Variants in USP42 observed in about 807,000 individuals in gnomAD.
The protein encoded by USP42 is ubiquitin carboxyl-terminal hydrolase 42.
Under a neutral mutation model 113.0 loss-of-function variants are expected in USP42, and 23 were observed. That is an observed-to-expected ratio of 0.20 (90% CI 0.15 to 0.29). The LOEUF (loss-of-function observed/expected upper bound fraction) is 0.29, where lower values mean the gene tolerates loss of function less well. USP42 is among the 10% of genes least tolerant of loss of function. The probability of loss-of-function intolerance (pLI) is 1.00; values close to 1 mark genes in which losing one functional copy is unlikely to be tolerated. For synonymous variants in USP42, 933 were observed against 699.0 expected (o/e 1.33, Z -5.28); for missense variants, 2,174 against 1,779.8 (o/e 1.22, Z -3.99).
chr7:6,144,589 G>T (rs1781600912), intron 9 of USP42, among the ~76,000 whole-genome samples: 1 of 152,156 alleles, frequency 6.6e-6, no homozygotes, highest in Non-Finnish European at 1.5e-5. Flanking sequence ...TAAATAATCG[G>T]CCGAGTGTGG....
intron 3 of USP42, among the ~76,000 whole-genome samples, chr7:6,126,590 C>T (rs550686334): frequency 3.5e-4 from 53 of 152,286 alleles, no homozygotes; most frequent in African/African-American, 1.2e-3. Flanking sequence ...GGCCTGATAA[C>T]GCCACAGTTT....
intron 3 of USP42, chr7:6,116,975 T>C: frequency 4.5e-6 from 2 of 447,802 alleles, no homozygotes; most frequent in Non-Finnish European, 4.4e-6. Context: ...GTTTTTGTGC[T>C]TGCTTCCTCC....
intron 1 of USP42, among the ~76,000 whole-genome samples, 171 bp downstream of exon 1, chr7:6,105,203 C>G (rs1270710347): frequency 2.1e-5 from 3 of 145,484 alleles, no homozygotes; most frequent in Admixed American, 1.4e-4. Context: ...GCCCGGGACC[C>G]CGCCGCTCTG....
At chr7:6,085,188 T>G in the USP42 span, 1 of 149,196 alleles carries the variant, frequency 6.7e-6, no homozygotes, top group Non-Finnish European at 1.5e-5. Context: ...GACATGATCT[T>G]CACTTACTGC....
chr7:6,109,445 T>A (rs1323952775), intron 1 of USP42, among the ~76,000 whole-genome samples: 1 of 152,140 alleles, frequency 6.6e-6, no homozygotes, highest in Non-Finnish European at 1.5e-5. Context: ...CAGTCTGGAG[T>A]GCAGTGGCAT....
At chr7:6,113,308 A>G (rs1462237528) in intron 2 of USP42, among the ~76,000 whole-genome samples, 1 of 152,132 alleles carries the variant, frequency 6.6e-6, no homozygotes, top group South Asian at 2.1e-4. Flanking sequence ...AATGTTGCAC[A>G]TGGAGGTGGA....
intron 3 of USP42, among the ~76,000 whole-genome samples, chr7:6,121,545 C>T (rs995381217): frequency 2.0e-5 from 3 of 151,874 alleles, no homozygotes; most frequent in South Asian, 2.1e-4. Flanking sequence ...CATCTGTTTC[C>T]TGGAAGAGTT....
intron 12 of USP42, among the ~76,000 whole-genome samples, 181 bp from the exon 13 acceptor site, chr7:6,149,402 G>T (rs999808546): frequency 2.0e-5 from 3 of 151,886 alleles, no homozygotes; most frequent in Non-Finnish European, 2.9e-5. Flanking sequence ...ACTAGGGCCT[G>T]TGGAAAGTAT....
intron 11 of USP42, among the ~76,000 whole-genome samples, chr7:6,147,020 C>G (rs868721960): frequency 3.3e-5 from 5 of 152,206 alleles, no homozygotes; most frequent in Non-Finnish European, 4.4e-5. Context: ...CTCACTCACT[C>G]GCTCCATTTT....
Position 6,147,846 on chromosome 7 carries a change from C to T in USP42, c.1340C>T (p.Ala447Val), listed in dbSNP as rs1301541991. ...CAGCGGGTTGTCACCAACAAACAGG[C>T]TGCGCCAGGCTTTATCGGACCACAG... ...ISQRVVTNKQ[A>V]APGFIGPQLP... The change falls in exon 12 of 18, where the codon GCT becomes GTT. Residue 447 changes from alanine (A) to valine (V), a missense_variant. Transcript: ENST00000306177. 1.2e-6 allele frequency: 2 copies of T among 1,613,088 alleles called. No homozygotes were observed. The highest frequency in any genetic ancestry group is 1.7e-6 in the Non-Finnish European group (2 of 1,179,500).
At chr7:6,086,026 A>G in the USP42 span, among the ~76,000 whole-genome samples, 1 of 149,322 alleles carries the variant, frequency 6.7e-6, no homozygotes, top group Non-Finnish European at 1.5e-5. Flanking sequence ...CCTGGTGATA[A>G]CCACCCTCTT....
intron 2 of USP42, among the ~76,000 whole-genome samples, chr7:6,113,843 G>T (rs1453510544): frequency 6.6e-6 from 1 of 151,826 alleles, no homozygotes; most frequent in Non-Finnish European, 1.5e-5. Context: ...GAATAGTCTC[G>T]ATCTCCTGAC....
rs1233537002 is a variant in USP42 at position 6,150,114 on chromosome 7, G to C, written c.1918G>C (p.Asp640His). Reference protein sequence around the residue: ...TIVSSHSPGQDAEDEEATPHE... With the variant: ...TIVSSHSPGQHAEDEEATPHE... ...TGTGAGCTCCCACTCTCCCGGCCAAGATGCCGAAGATGAGGAGGCCACTCC... is the reference window on the plus strand; with the variant it reads ...TGTGAGCTCCCACTCTCCCGGCCAACATGCCGAAGATGAGGAGGCCACTCC... The change falls in exon 13 of 18, where the codon GAT (aspartate) becomes CAT (histidine). Residue 640 changes from aspartate (D) to histidine (H), a missense_variant. By Grantham distance (81) the Asp-to-His change is moderately conservative. Transcript: ENST00000306177. 1.7e-5 allele frequency: 28 copies of C among 1,612,432 alleles called. No individual in the cohort carries two copies. Among genetic ancestry groups the C allele is most frequent in the Non-Finnish European group, 2.4e-5 (28 of 1,179,226 alleles).
intron 7 of USP42, among the ~76,000 whole-genome samples, chr7:6,142,457 C>G (rs1334925108): frequency 6.6e-6 from 1 of 152,198 alleles, no homozygotes. Flanking sequence ...ACCTCATGAT[C>G]TGCCTGCCTT....
chr7:6,103,060 G>A (rs114086594), upstream of USP42, among the ~76,000 whole-genome samples: 3,487 of 151,084 alleles, frequency 0.023, 341 homozygotes, highest in African/African-American at 0.082. Context: ...GAAAGGTCTG[G>A]TGAGCACAGA....
rs1380461418 is a variant in USP42, at chr7:6,127,370, C to T, written c.443-8471C>T. Among the ~76,000 whole-genome samples, 5 of 151,898 alleles carry T rather than the reference C, an allele frequency of 3.3e-5. No individual in the cohort carries two copies. The East Asian group carries it at 7.7e-4, about 23-fold the overall frequency. On this transcript the variant is annotated intron_variant, in intron 3 of 17. Coordinates refer to ENST00000306177, the MANE Select transcript of USP42 (RefSeq NM_032172.3). ...AATATCTCTTTGCCTAGCTCTTGATCCTGCAGATTTTTTCCTATGTTAATT... is the reference window on the plus strand; with the variant it reads ...AATATCTCTTTGCCTAGCTCTTGATTCTGCAGATTTTTTCCTATGTTAATT...
Position 6,150,065 on chromosome 7 carries a change from C to T in USP42, c.1869C>T (p.Gly623=), listed in dbSNP as rs1463776985. 6.2e-7 allele frequency: 1 copy of T among 1,609,064 alleles called. No homozygotes were observed. The highest frequency in any genetic ancestry group is 8.5e-7 in the Non-Finnish European group (1 of 1,177,608). Residue 623 remains glycine (G), a synonymous_variant, in exon 13 of 18, where the codon GGC becomes GGT. Transcript: ENST00000306177. ...EDSDEESKGL[G]KENGIGTIVS... ...CTGACGAGGAGTCAAAGGGGCTGGG[C>T]AAGGAGAATGGGATTGGTACGATTG...
chr7:6,104,308 T>C (rs1204175352), upstream of USP42, among the ~76,000 whole-genome samples: 1 of 151,764 alleles, frequency 6.6e-6, no homozygotes, highest in East Asian at 1.9e-4. Flanking sequence ...AGTCTCGAAC[T>C]CCTGACCTCG....
rs561856352 is a variant in USP42 at position 6,141,056 on chromosome 7, A to G, written c.795+72A>G. The G allele has an allele frequency of 5.3e-4, 385 of 730,436 alleles. 5 individuals carry two copies. Among genetic ancestry groups the G allele is most frequent in the South Asian group, 1.8e-3 (92 of 51,886 alleles). The allele number at this position is 730,436 out of a possible 1,614,324, so 45.2% of individuals were successfully genotyped here. ...TTTTATGTAACTGTAGTTCATTTAT[A>G]ATTTAGACTACTTGTTAGAGAATAT... On this transcript the variant is annotated intron_variant, in intron 7 of 17. Coordinates refer to ENST00000306177, the MANE Select transcript of USP42 (RefSeq NM_032172.3).
Sources: allele counts gnomAD v4.1 joint callset (sites outside exome capture counted in the v4.1 genomes callset), GRCh38; gene constraint gnomAD v4.1.1; transcripts MANE v1.5; gene names NCBI Gene and HGNC (gene_info 2026-07-23, HGNC 2026-07-21).